The following AGBL1 variants were observed in gnomAD, a reference collection of about 807,000 sequenced individuals.
AGBL1 encodes the protein cytosolic carboxypeptidase 4.
AGBL1 carries 130 observed loss-of-function variants against 118.9 expected under a neutral mutation model. That is an observed-to-expected ratio of 1.09 (90% CI 0.95 to 1.26). The LOEUF (loss-of-function observed/expected upper bound fraction) is 1.26. Among genes scored for constraint, AGBL1 ranks in the 50% most tolerant of loss-of-function variants. AGBL1 has a pLI of 0.00. For synonymous variants in AGBL1, 555 were observed against 478.9 expected, an observed-to-expected ratio of 1.16 and a Z score of -2.08; for missense variants, 1,584 against 1,298.1, an observed-to-expected ratio of 1.22 and a Z score of -3.38.
chr15:86,804,082 A>G (rs572360101), intron 22 of AGBL1, among the ~76,000 whole-genome samples: 1 of 152,306 alleles, frequency 6.6e-6, no homozygotes, highest in East Asian at 1.9e-4. Context: ...AGCCAAGTAC[A>G]GGCTAGAAGA....
rs2080850299 is a variant in AGBL1, at chr15:86,948,734, A to G, written c.3222-39253A>G. 2.6e-5 allele frequency among the ~76,000 whole-genome samples: 4 copies of G among 152,372 alleles called. No homozygotes were observed. In the South Asian group the frequency reaches 8.3e-4, roughly 32 times the overall value. ...GTATCCCTGAAAAACTGCAATGAGC[A>G]GAGTGCCATTGATATATCTAAAATA... On this transcript the variant is annotated intron_variant, in intron 23 of 24. Coordinates refer to the AGBL1 transcript ENST00000441037.
At chr15:86,397,980 C>T (rs1596065858) in intron 18 of AGBL1, among the ~76,000 whole-genome samples, 1 of 152,280 alleles carries the variant, frequency 6.6e-6, no homozygotes, top group East Asian at 1.9e-4. Flanking sequence ...ATGATAAAGT[C>T]AGGGCCCAAA....
intron 18 of AGBL1, among the ~76,000 whole-genome samples, chr15:86,413,320 G>A (rs2081647302): frequency 1.3e-5 from 2 of 152,144 alleles, no homozygotes; most frequent in South Asian, 2.1e-4. Context: ...AATCTAGCCA[G>A]ACATTTATGT....
intron 22 of AGBL1, among the ~76,000 whole-genome samples, chr15:86,701,993 C>G (rs2086369057): frequency 6.7e-6 from 1 of 150,264 alleles, no homozygotes; most frequent in Non-Finnish European, 1.5e-5. Context: ...CTCTCCCCTT[C>G]CCTTGTGGCT....
chr15:86,545,974 T>C (rs773327697), intron 19 of AGBL1, 28 bp from the exon 20 acceptor site: 1 of 1,606,326 alleles, frequency 6.2e-7, no homozygotes, highest in Non-Finnish European at 8.5e-7. Context: ...GACCTGGTTT[T>C]ATTTTCTCCT....
chr15:86,178,742 C>T (rs185819192), intron 5 of AGBL1, among the ~76,000 whole-genome samples: 16 of 152,268 alleles, frequency 1.1e-4, no homozygotes, highest in South Asian at 2.1e-4. Context: ...ATGAAGCCAG[C>T]GTTACCCTGA....
At chr15:86,560,081 G>A (rs2083792826) in intron 21 of AGBL1, among the ~76,000 whole-genome samples, 1 of 152,094 alleles carries the variant, frequency 6.6e-6, no homozygotes, top group African/African-American at 2.4e-5. Context: ...ACCCAGACCA[G>A]GGTGACCCAG....
At chr15:86,854,902 T>C (rs1300015448) in intron 22 of AGBL1, among the ~76,000 whole-genome samples, 1 of 152,174 alleles carries the variant, frequency 6.6e-6, no homozygotes, top group Non-Finnish European at 1.5e-5. Context: ...TCAACTGCCC[T>C]CGATCTCCAT....
At chr15:86,355,839 G>A (rs1227338059) in intron 17 of AGBL1, among the ~76,000 whole-genome samples, 1 of 152,030 alleles carries the variant, frequency 6.6e-6, no homozygotes, top group Admixed American at 6.6e-5. Flanking sequence ...TTTCTTATTT[G>A]TGCTTCCCCA....
intron 23 of AGBL1, among the ~76,000 whole-genome samples, chr15:86,956,640 C>A (rs1253222002): frequency 6.6e-6 from 1 of 152,082 alleles, no homozygotes; most frequent in Non-Finnish European, 1.5e-5. Context: ...TAAAACCAAC[C>A]GATGTGAATG....
At chr15:86,305,975 ATACTTAATAGTTT>A (rs2079833715) in intron 17 of AGBL1, among the ~76,000 whole-genome samples, 1 of 151,966 alleles carries the variant, frequency 6.6e-6, no homozygotes, top group Non-Finnish European at 1.5e-5. Context: ...CTGCATTTTT[ATACTTAATAGTTT>A]TTAAAATTTT....
At chr15:86,184,891 C>T (rs890639971) in intron 5 of AGBL1, among the ~76,000 whole-genome samples, 12 of 152,120 alleles carry the variant, frequency 7.9e-5, no homozygotes, top group Non-Finnish European at 1.8e-4. Context: ...AACTATACTA[C>T]AAGGCTACAG....
intron 18 of AGBL1, among the ~76,000 whole-genome samples, chr15:86,434,318 C>G (rs1224932988): frequency 4.6e-5 from 7 of 152,220 alleles, no homozygotes; most frequent in Non-Finnish European, 8.8e-5. Flanking sequence ...TTGCTTTACA[C>G]TGAATTCAAT....
chr15:86,453,798 C>A (rs1268389365), intron 18 of AGBL1, among the ~76,000 whole-genome samples: 2 of 152,102 alleles, frequency 1.3e-5, no homozygotes, highest in Non-Finnish European at 2.9e-5. Context: ...ACCGACAAAA[C>A]CCCAGCCTTA....
chr15:86,315,931 A>G (rs545948439), intron 17 of AGBL1, among the ~76,000 whole-genome samples: 2 of 152,306 alleles, frequency 1.3e-5, no homozygotes, highest in Admixed American at 1.3e-4. Context: ...AAGCATTACA[A>G]AACATCCTGC....
chr15:86,707,356 G>A (rs756873708), intron 22 of AGBL1, among the ~76,000 whole-genome samples: 8 of 152,080 alleles, frequency 5.3e-5, no homozygotes, highest in Non-Finnish European at 1.0e-4. Flanking sequence ...TCAGTTGGAG[G>A]TTACTCTGTA....
At chr15:86,818,141 G>A (rs2078891784) in intron 22 of AGBL1, among the ~76,000 whole-genome samples, 1 of 152,322 alleles carries the variant, frequency 6.6e-6, no homozygotes, top group South Asian at 2.1e-4. Context: ...GCGTGAGAGA[G>A]AGTGTTGGGA....
intron 17 of AGBL1, among the ~76,000 whole-genome samples, chr15:86,357,210 A>T (rs1460950355): frequency 1.3e-5 from 2 of 152,234 alleles, no homozygotes; most frequent in African/African-American, 2.4e-5. Context: ...AGGATTAAAG[A>T]GTAGTAGCAA....
At chr15:86,763,487 T>A (rs891695934) in intron 22 of AGBL1, among the ~76,000 whole-genome samples, 1 of 151,960 alleles carries the variant, frequency 6.6e-6, no homozygotes, top group Non-Finnish European at 1.5e-5. Flanking sequence ...GATGGGGAGA[T>A]AGATGATGGG....
Sources: gnomAD v4.1 joint callset for allele counts (sites outside exome capture counted in the v4.1 genomes callset) on GRCh38, gnomAD v4.1.1 for gene constraint, MANE v1.5 for transcripts, NCBI Gene and HGNC (gene_info 2026-07-23, HGNC 2026-07-21) for gene names.